CLYBL: variants seen among roughly 807,000 people sequenced by gnomAD.
The protein encoded by CLYBL is citramalyl-CoA lyase.
Under a neutral mutation model 38.9 loss-of-function variants are expected in CLYBL, and 31 were observed. The ratio of observed to expected loss-of-function variants is 0.80; its 90% confidence interval spans 0.60 to 1.08. The LOEUF is 1.08. Among genes scored for constraint, CLYBL ranks in the 50% least tolerant of loss-of-function variants. CLYBL has a pLI of 0.00. For synonymous variants in CLYBL, 171 were observed against 158.6 expected (o/e 1.08, Z -0.59); for missense variants, 434 against 411.6 (o/e 1.05, Z -0.47).
chr13:99,871,006 A>G lies in CLYBL; in HGVS notation c.871A>G (p.Ile291Val), dbSNP rs1328614990. The change falls in exon 7 of 9, where the codon ATT (isoleucine) becomes GTT (valine). Residue 291 changes from isoleucine (I) to valine (V), a missense_variant. Transcript: ENST00000339105. Reference sequence around the variant, plus strand: ...GCAGTTTTCTCCTTCCCCTGAAAAAATTAAGTGGGCTGAAGAACTGATTGC... The same window carrying G: ...GCAGTTTTCTCCTTCCCCTGAAAAAGTTAAGTGGGCTGAAGAACTGATTGC... ...QEQFSPSPEK[I>V]KWAEELIAAF... 3.1e-6 allele frequency: 5 copies of G among 1,613,850 alleles called. No homozygotes were observed. The highest frequency in any genetic ancestry group is 4.2e-6 in the Non-Finnish European group (5 of 1,179,934).
At chr13:99,632,992 A>G (rs373060872) in intron 1 of CLYBL, among the ~76,000 whole-genome samples, 2 of 115,072 alleles carry the variant, frequency 1.7e-5, no homozygotes, top group African/African-American at 3.0e-5. Flanking sequence ...TGTAATCCCA[A>G]CACTTTGGGG....
intron 2 of CLYBL, among the ~76,000 whole-genome samples, chr13:99,802,186 G>T (rs1440224372): frequency 1.3e-5 from 2 of 152,156 alleles, no homozygotes; most frequent in African/African-American, 4.8e-5. Flanking sequence ...GTGCTGGCCA[G>T]TTCCCAGTGA....
chr13:99,804,057 T>A (rs9517889), intron 2 of CLYBL, among the ~76,000 whole-genome samples: 28,697 of 151,710 alleles, frequency 0.19, 2,905 homozygotes, highest in East Asian at 0.25. Flanking sequence ...GAAAAGGGAG[T>A]GGAATCGTTC....
intron 1 of CLYBL, among the ~76,000 whole-genome samples, chr13:99,621,355 T>C (rs936497003): frequency 3.9e-5 from 6 of 152,154 alleles, no homozygotes; most frequent in Admixed American, 1.3e-4. Flanking sequence ...CCCCACACTC[T>C]CGAGTCATCA....
chr13:99,705,897 G>T (rs1373822106), intron 1 of CLYBL, among the ~76,000 whole-genome samples: 1 of 151,732 alleles, frequency 6.6e-6, no homozygotes, highest in African/African-American at 2.4e-5. Context: ...ATGCTAAATT[G>T]TATGTTATGT....
rs184982758 is a variant in CLYBL, at chr13:99,772,641, G to A, written c.63-183G>A. 5.3e-3 allele frequency among the ~76,000 whole-genome samples: 788 copies of A among 149,950 alleles called. 9 individuals carry two copies. Among genetic ancestry groups the A allele is most frequent in the African/African-American group, 0.018 (737 of 40,762 alleles). ...TGAGCCTGGAGGTGGAGGTTGCAGT[G>A]AGCCGAGATCACACCACTGCACTTC... is the stretch of plus-strand genomic sequence containing the variant. On this transcript the variant is annotated intron_variant, in intron 1 of 8. Coordinates refer to ENST00000339105, the MANE Select transcript of CLYBL (RefSeq NM_206808.5).
chr13:99,618,077 T>C (rs2046740657), intron 1 of CLYBL, among the ~76,000 whole-genome samples: 1 of 152,134 alleles, frequency 6.6e-6, no homozygotes, highest in South Asian at 2.1e-4. Context: ...CCCCCAGATA[T>C]TCATGAGAGC....
At chr13:99,692,021 C>G (rs2139431852) in intron 1 of CLYBL, among the ~76,000 whole-genome samples, 1 of 152,280 alleles carries the variant, frequency 6.6e-6, no homozygotes, top group Non-Finnish European at 1.5e-5. Flanking sequence ...CGTAGAAACT[C>G]AGTGTACATC....
intron 1 of CLYBL, among the ~76,000 whole-genome samples, chr13:99,734,761 C>CTTCCAGAT (rs1358438431): frequency 2.0e-5 from 3 of 152,172 alleles, no homozygotes; most frequent in Non-Finnish European, 4.4e-5. Flanking sequence ...AAGAATGAGT[C>CTTCCAGAT]TTCCAGATGA....
chr13:99,751,916 C>A (rs917408431), intron 1 of CLYBL, among the ~76,000 whole-genome samples: 3 of 152,144 alleles, frequency 2.0e-5, no homozygotes, highest in African/African-American at 4.8e-5. Context: ...TAGGAAACAA[C>A]GATCTTAAAA....
At chr13:99,703,516 CAT>C (rs2048101148) in intron 1 of CLYBL, among the ~76,000 whole-genome samples, 1 of 152,106 alleles carries the variant, frequency 6.6e-6, no homozygotes, top group Non-Finnish European at 1.5e-5. Flanking sequence ...ACTATAGGCA[CAT>C]GCCACCATGC....
chr13:99,863,146 A>G lies in CLYBL; in HGVS notation c.540+54A>G, dbSNP rs373106685. On this transcript the variant is annotated intron_variant, in intron 4 of 8. Transcript: ENST00000339105. ...TTAGCATTTTATTTATCACCTAAAGAGAACTTTTGCTTTCAATTTTAACAT... is the reference window on the plus strand; with the variant it reads ...TTAGCATTTTATTTATCACCTAAAGGGAACTTTTGCTTTCAATTTTAACAT... 1.1e-4 allele frequency: 105 copies of G among 931,022 alleles called. 1 individual carries two copies. In the African/African-American group the frequency reaches 1.7e-3, roughly 15 times the overall value. 57.7% of individuals were successfully genotyped at this position (931,022 alleles called of 1,614,324 possible).
At chr13:99,856,038 C>G (rs919452026) in intron 2 of CLYBL, among the ~76,000 whole-genome samples, 2 of 152,182 alleles carry the variant, frequency 1.3e-5, no homozygotes, top group African/African-American at 4.8e-5. Flanking sequence ...TGAGTATTCA[C>G]TGCTCATTAT....
chr13:99,883,546 A>G (rs2052271959), intron 7 of CLYBL, among the ~76,000 whole-genome samples: 1 of 151,912 alleles, frequency 6.6e-6, no homozygotes, highest in Admixed American at 6.6e-5. Context: ...AGCAGAACCA[A>G]TATTTTAAAA....
intron 2 of CLYBL, among the ~76,000 whole-genome samples, chr13:99,779,799 T>C (rs922866148): frequency 2.0e-5 from 3 of 152,156 alleles, no homozygotes; most frequent in African/African-American, 7.2e-5. Context: ...TTTCAATTTA[T>C]CTTTTTGTTG....
downstream of CLYBL, among the ~76,000 whole-genome samples, chr13:99,899,160 C>T (rs149538344): frequency 6.6e-4 from 101 of 152,284 alleles, no homozygotes; most frequent in African/African-American, 2.3e-3. Context: ...CAGAGAGATG[C>T]GCCACTTCCA....
At chr13:99,845,972 T>TA (rs10677824) in intron 2 of CLYBL, among the ~76,000 whole-genome samples, 35 of 148,038 alleles carry the variant, frequency 2.4e-4, no homozygotes, top group African/African-American at 5.7e-4. Context: ...ATTTGCCACC[T>TA]AAAAAAAAAA....
intron 1 of CLYBL, among the ~76,000 whole-genome samples, chr13:99,633,950 T>C (rs1263365290): frequency 2.0e-5 from 3 of 152,012 alleles, no homozygotes; most frequent in Admixed American, 2.0e-4. Flanking sequence ...AAAAAGAGAT[T>C]AGGGCAGAAA....
intron 7 of CLYBL, among the ~76,000 whole-genome samples, chr13:99,883,518 C>CAAAA (rs199528877): frequency 3.1e-5 from 4 of 130,870 alleles, no homozygotes; most frequent in African/African-American, 8.3e-5. Context: ...GACTCCATCT[C>CAAAA]AAAAAAAAAA....
Sources: gnomAD v4.1 joint callset for allele counts (sites outside exome capture counted in the v4.1 genomes callset) on GRCh38, gnomAD v4.1.1 for gene constraint, MANE v1.5 for transcripts, NCBI Gene and HGNC (gene_info 2026-07-23, HGNC 2026-07-21) for gene names.